The following NLN variants were observed in gnomAD, a reference collection of about 807,000 sequenced individuals.
NLN encodes neurolysin, also known as neurolysin, mitochondrial.
A neutral mutation model predicts 79.9 loss-of-function variants in NLN; 64 were observed. The ratio of observed to expected loss-of-function variants is 0.80; its 90% CI spans 0.65 to 0.99. The LOEUF (loss-of-function observed/expected upper bound fraction) is 0.99, where lower values mean the gene tolerates loss of function less well. Ranked by LOEUF, NLN falls within the 50% of genes least tolerant of loss-of-function variation. NLN has a pLI of 0.00. For synonymous variants in NLN, 267 were observed against 296.6 expected (o/e 0.90, Z 1.02); for missense variants, 835 against 858.7 (o/e 0.97, Z 0.34).
chr5:65,796,747 C>A (rs1479070717), intron 9 of NLN, among the ~76,000 whole-genome samples: 1 of 152,150 alleles, frequency 6.6e-6, no homozygotes. Context: ...TTGTACTGAC[C>A]TAAAATGGAT....
At chr5:65,768,529 G>T (rs1759502242) in intron 3 of NLN, among the ~76,000 whole-genome samples, 1 of 152,220 alleles carries the variant, frequency 6.6e-6, no homozygotes, top group African/African-American at 2.4e-5. Flanking sequence ...AGATTTGGTT[G>T]GGCCACAGCC....
At chr5:65,734,761 G>T (rs1758690577) in intron 1 of NLN, among the ~76,000 whole-genome samples, 1 of 152,148 alleles carries the variant, frequency 6.6e-6, no homozygotes, top group Non-Finnish European at 1.5e-5. Context: ...GGTTGATGAA[G>T]CCTGCTTGCT....
chr5:65,782,594 T>C (rs898181493), intron 6 of NLN, among the ~76,000 whole-genome samples: 1 of 152,208 alleles, frequency 6.6e-6, no homozygotes, highest in African/African-American at 2.4e-5. Flanking sequence ...ATTCTCAAAT[T>C]CATGTCTGCA....
At chr5:65,746,002 C>G (rs1033846140) in intron 1 of NLN, among the ~76,000 whole-genome samples, 1 of 152,124 alleles carries the variant, frequency 6.6e-6, no homozygotes, top group Non-Finnish European at 1.5e-5. Context: ...ATTAAGGTGA[C>G]CATTGACATC....
intron 3 of NLN, among the ~76,000 whole-genome samples, chr5:65,766,854 A>G (rs947634806): frequency 7.9e-5 from 12 of 152,358 alleles, no homozygotes; most frequent in South Asian, 2.1e-4. Context: ...CACAGGCCCT[A>G]TGCAAGTCCA....
At chr5:65,758,257 T>G (rs995250141) in intron 1 of NLN, among the ~76,000 whole-genome samples, 1 of 152,010 alleles carries the variant, frequency 6.6e-6, no homozygotes, top group African/African-American at 2.4e-5. Context: ...GAGGGAAGAT[T>G]ACTGATTTAA....
At chr5:65,776,542 A>G (rs1009350079) in intron 3 of NLN, among the ~76,000 whole-genome samples, 2 of 152,218 alleles carry the variant, frequency 1.3e-5, no homozygotes, top group Non-Finnish European at 2.9e-5. Flanking sequence ...TTTAGAAACA[A>G]GTCCCTCATT....
intron 9 of NLN, among the ~76,000 whole-genome samples, chr5:65,801,338 G>A (rs186969581): frequency 6.6e-6 from 1 of 152,252 alleles, no homozygotes; most frequent in Admixed American, 6.5e-5. Context: ...TTTGTTGGCT[G>A]GTCAACAGTG....
At chr5:65,821,059 G>GA (rs755079357) in intron 12 of NLN, among the ~76,000 whole-genome samples, 25 of 147,764 alleles carry the variant, frequency 1.7e-4, no homozygotes, top group African/African-American at 5.7e-4. Context: ...AAAAAAAAAA[G>GA]AAAAGAGAGA....
chr5:65,792,660 G>GT lies in NLN; in HGVS notation c.1527+15dup, dbSNP rs376854588. The GT allele has an allele frequency of 8.7e-3, 12,657 of 1,451,558 alleles. No individual in the cohort carries two copies. Among genetic ancestry groups the GT allele is most frequent in the Non-Finnish European group, 0.01 (10,998 of 1,061,190 alleles). 89.9% of individuals were successfully genotyped at this position (1,451,558 alleles called of 1,614,324 possible). A position where few individuals can be genotyped will look rare whatever the true frequency, so the allele number is the denominator to read the frequency against. ...ATGCATCAGATTTGTGCACAGGTGA[G>GT]TTTTTTTTTTCCCCCAGTAAACCTG... On this transcript the variant is annotated splice_donor_region_variant and intron_variant, in intron 9 of 12. Coordinates refer to ENST00000380985, the MANE Select transcript of NLN (RefSeq NM_020726.5).
chr5:65,754,159 C>A (rs779640474), intron 1 of NLN, among the ~76,000 whole-genome samples: 1 of 152,172 alleles, frequency 6.6e-6, no homozygotes, highest in Non-Finnish European at 1.5e-5. Context: ...GACTTACTGA[C>A]TCATAACTGG....
intron 3 of NLN, among the ~76,000 whole-genome samples, chr5:65,776,212 C>T (rs1237605418): frequency 1.3e-5 from 2 of 152,192 alleles, no homozygotes; most frequent in Non-Finnish European, 2.9e-5. Context: ...GATAATCGCA[C>T]CACTGCACTC....
intron 1 of NLN, among the ~76,000 whole-genome samples, chr5:65,731,460 G>A (rs569264399): frequency 7.6e-4 from 115 of 152,114 alleles, no homozygotes; most frequent in Non-Finnish European, 1.1e-3. Flanking sequence ...ATTAGTTACT[G>A]TTTTTACTTG....
At chr5:65,793,279 A>T (rs1274470798) in intron 9 of NLN, 1 of 161,158 alleles carries the variant, frequency 6.2e-6, no homozygotes, top group Non-Finnish European at 1.3e-5. Flanking sequence ...CATGAACCAT[A>T]TGAACTTGCT....
chr5:65,816,494 C>T (rs1054516213), intron 12 of NLN, among the ~76,000 whole-genome samples: 1 of 150,986 alleles, frequency 6.6e-6, no homozygotes, highest in Non-Finnish European at 1.5e-5. Context: ...CACAAGTTTA[C>T]CTATGTAACA....
chr5:65,771,751 T>C (rs921560947), intron 3 of NLN, among the ~76,000 whole-genome samples: 6 of 152,122 alleles, frequency 3.9e-5, no homozygotes, highest in African/African-American at 1.4e-4. Flanking sequence ...GTATAGTGGC[T>C]CATGCCTGAA....
intron 1 of NLN, among the ~76,000 whole-genome samples, chr5:65,757,092 T>A (rs867147636): frequency 3.9e-5 from 6 of 152,186 alleles, no homozygotes; most frequent in African/African-American, 1.4e-4. Flanking sequence ...TCTACTGTAT[T>A]AGAATGTCAG....
chr5:65,769,821 T>G (rs1759530991), intron 3 of NLN, among the ~76,000 whole-genome samples: 1 of 152,188 alleles, frequency 6.6e-6, no homozygotes, highest in African/African-American at 2.4e-5. Flanking sequence ...CCAGAAACCA[T>G]GTAGACTGTT....
chr5:65,807,660 G>A (rs1760447515), intron 9 of NLN, among the ~76,000 whole-genome samples: 1 of 152,088 alleles, frequency 6.6e-6, no homozygotes, highest in African/African-American at 2.4e-5. Context: ...AGGCTGGCTC[G>A]AACTCCTGAC....
Sources: gnomAD v4.1 joint callset for allele counts (sites outside exome capture counted in the v4.1 genomes callset) on GRCh38, gnomAD v4.1.1 for gene constraint, MANE v1.5 for transcripts, NCBI Gene and HGNC (gene_info 2026-07-23, HGNC 2026-07-21) for gene names.